Variants in CSMD1 observed in about 807,000 individuals in gnomAD.
CSMD1 encodes CUB and sushi domain-containing protein 1.
CSMD1 carries 213 observed loss-of-function variants against 417.5 expected under a neutral mutation model. That is an observed-to-expected ratio of 0.51 (90% CI 0.46 to 0.57). The LOEUF is 0.57. Ranked by LOEUF, CSMD1 falls within the 20% of genes least tolerant of loss-of-function variation. The pLI, the probability that CSMD1 is intolerant of heterozygous loss-of-function variation, is 0.00. For synonymous variants in CSMD1, 2,862 were observed against 1,736.8 expected, an observed-to-expected ratio of 1.65 and a Z score of -16.11; for missense variants, 6,923 against 4,529.7, an observed-to-expected ratio of 1.53 and a Z score of -15.17.
intron 17 of CSMD1, among the ~76,000 whole-genome samples, chr8:3,391,458 T>C (rs1194444028): frequency 6.6e-6 from 1 of 152,194 alleles, no homozygotes; most frequent in Admixed American, 6.5e-5. Context: ...GATTTAAAGA[T>C]CAACATACAA....
At chr8:4,162,566 G>C (rs1419406036) in intron 3 of CSMD1, among the ~76,000 whole-genome samples, 3 of 151,984 alleles carry the variant, frequency 2.0e-5, no homozygotes, top group Non-Finnish European at 2.9e-5. Flanking sequence ...AAGTTACTTT[G>C]ATTTTTTAAA....
At chr8:3,593,426 G>C (rs1800949503) in intron 8 of CSMD1, among the ~76,000 whole-genome samples, 1 of 152,212 alleles carries the variant, frequency 6.6e-6, no homozygotes, top group African/African-American at 2.4e-5. Context: ...CTCCAGGGCA[G>C]AGGCCTAGGA....
chr8:3,292,907 G>A (rs1312870655), intron 25 of CSMD1, among the ~76,000 whole-genome samples: 1 of 151,948 alleles, frequency 6.6e-6, no homozygotes, highest in African/African-American at 2.4e-5. Flanking sequence ...AGTTGATGCA[G>A]TTTCTTCCTA....
At chr8:4,373,888 G>A (rs1466670817) in intron 3 of CSMD1, among the ~76,000 whole-genome samples, 7 of 152,164 alleles carry the variant, frequency 4.6e-5, no homozygotes, top group Non-Finnish European at 1.0e-4. Flanking sequence ...CGCAGAAGCT[G>A]TTAGTGAGGT....
At chr8:4,950,795 C>T (rs1272464436) in intron 1 of CSMD1, among the ~76,000 whole-genome samples, 10 of 152,024 alleles carry the variant, frequency 6.6e-5, no homozygotes, top group Admixed American at 5.9e-4. Flanking sequence ...TGACCGTAAG[C>T]ATCACCACTC....
chr8:3,949,741 C>G (rs1341237827), intron 5 of CSMD1, among the ~76,000 whole-genome samples: 1 of 152,048 alleles, frequency 6.6e-6, no homozygotes, highest in Non-Finnish European at 1.5e-5. Context: ...GGACTTGATC[C>G]CACCAGGATC....
chr8:3,705,029 T>C (rs1801087721), intron 7 of CSMD1, among the ~76,000 whole-genome samples: 1 of 152,174 alleles, frequency 6.6e-6, no homozygotes, highest in African/African-American at 2.4e-5. Flanking sequence ...CCTTGAACAT[T>C]TTCTATCACC....
intron 3 of CSMD1, among the ~76,000 whole-genome samples, chr8:4,338,168 A>G (rs1360669201): frequency 6.6e-6 from 1 of 152,152 alleles, no homozygotes; most frequent in African/African-American, 2.4e-5. Flanking sequence ...AGAATTACAA[A>G]AATATTGGTA....
intron 8 of CSMD1, among the ~76,000 whole-genome samples, chr8:3,605,388 T>A (rs1395709978): frequency 1.3e-5 from 2 of 152,214 alleles, no homozygotes; most frequent in Non-Finnish European, 2.9e-5. Flanking sequence ...AAGAGACAGG[T>A]GCCTCTGCTC....
intron 10 of CSMD1, among the ~76,000 whole-genome samples, chr8:3,513,889 G>C (rs115191647): frequency 3.5e-4 from 54 of 152,248 alleles, no homozygotes; most frequent in African/African-American, 1.3e-3. Flanking sequence ...ACACACAAAG[G>C]TTATAACCAC....
intron 3 of CSMD1, among the ~76,000 whole-genome samples, chr8:4,384,249 T>C (rs1803293911): frequency 8.0e-6 from 1 of 125,266 alleles, no homozygotes; most frequent in Non-Finnish European, 1.5e-5. Flanking sequence ...AATTACAGAC[T>C]TTTTTTTTTG....
chr8:3,182,638 TTAG>T (rs1199779607), intron 36 of CSMD1, among the ~76,000 whole-genome samples: 2 of 60,596 alleles, frequency 3.3e-5, no homozygotes, highest in Non-Finnish European at 7.2e-5. Flanking sequence ...GTGTGTATTG[TTAG>T]TAGAGAAGGG....
At chr8:3,282,600 G>T (rs557861541) in intron 26 of CSMD1, among the ~76,000 whole-genome samples, 8 of 152,002 alleles carry the variant, frequency 5.3e-5, no homozygotes, top group Non-Finnish European at 7.4e-5. Flanking sequence ...TTCCCCCAAG[G>T]CAGGATAGTT....
intron 5 of CSMD1, among the ~76,000 whole-genome samples, chr8:3,853,343 C>T (rs559440391): frequency 6.6e-6 from 1 of 152,234 alleles, no homozygotes; most frequent in East Asian, 1.9e-4. Context: ...ATAACATGCT[C>T]CACAATTTAC....
At chr8:3,290,767 G>C (rs1165789964) in intron 25 of CSMD1, among the ~76,000 whole-genome samples, 1 of 147,322 alleles carries the variant, frequency 6.8e-6, no homozygotes, top group Non-Finnish European at 1.5e-5. Context: ...CATGTCATCT[G>C]CCAACAGGGA....
intron 2 of CSMD1, among the ~76,000 whole-genome samples, chr8:4,597,298 C>G: frequency 6.6e-6 from 1 of 152,046 alleles, no homozygotes; most frequent in East Asian, 1.9e-4. Context: ...AATGTATTAA[C>G]TTATAAGATC....
At chr8:4,287,624 A>C (rs1184515992) in intron 3 of CSMD1, among the ~76,000 whole-genome samples, 2 of 151,540 alleles carry the variant, frequency 1.3e-5, no homozygotes, top group African/African-American at 4.8e-5. Context: ...CATAACCTTA[A>C]TTAAATGCTG....
At chr8:3,896,195 G>C (rs1807350395) in intron 5 of CSMD1, among the ~76,000 whole-genome samples, 1 of 152,154 alleles carries the variant, frequency 6.6e-6, no homozygotes, top group Non-Finnish European at 1.5e-5. Context: ...CTAGAGCCCT[G>C]TGACAAACAT....
intron 2 of CSMD1, among the ~76,000 whole-genome samples, chr8:4,562,712 G>C (rs966311815): frequency 6.6e-6 from 1 of 152,098 alleles, no homozygotes; most frequent in Non-Finnish European, 1.5e-5. Context: ...CCATCAGCCA[G>C]AAATCCTACA....
Sources: gnomAD v4.1 joint callset for allele counts (sites outside exome capture counted in the v4.1 genomes callset) on GRCh38, gnomAD v4.1.1 for gene constraint, MANE v1.5 for transcripts, NCBI Gene and HGNC (gene_info 2026-07-23, HGNC 2026-07-21) for gene names.